Variants in CACNB2 observed in about 807,000 individuals in gnomAD.
The protein encoded by CACNB2 is calcium voltage-gated channel auxiliary subunit beta 2, also known as voltage-dependent L-type calcium channel subunit beta-2.
A neutral mutation model predicts 73.3 loss-of-function variants in CACNB2; 42 were observed. The observed-to-expected ratio is 0.57, with a 90% CI of 0.45 to 0.74. The LOEUF (loss-of-function observed/expected upper bound fraction) is 0.74, where lower values mean the gene tolerates loss of function less well. Among genes scored for constraint, CACNB2 ranks in the 30% least tolerant of loss-of-function variants. The probability of loss-of-function intolerance (pLI) is 0.00; values close to 1 mark genes in which losing one functional copy is unlikely to be tolerated. For synonymous variants in CACNB2, 348 were observed against 310.3 expected, an observed-to-expected ratio of 1.12 and a Z score of -1.28; for missense variants, 940 against 853.0, an observed-to-expected ratio of 1.10 and a Z score of -1.27.
intron 2 of CACNB2, among the ~76,000 whole-genome samples, chr10:18,290,227 G>A (rs1163956687): frequency 1.4e-5 from 2 of 142,068 alleles, no homozygotes; most frequent in African/African-American, 5.2e-5. Flanking sequence ...GGGTTTCACC[G>A]TGTTGGTCAG....
chr10:18,191,091 A>G lies in CACNB2; in HGVS notation c.213+40116A>G, dbSNP rs562539151. On this transcript the variant is annotated intron_variant, in intron 2 of 13. Coordinates refer to ENST00000324631, the MANE Select transcript of CACNB2 (RefSeq NM_201596.3). ...GACGTCAGGAACTGGGAGAGTGAAA[A>G]TGGAGGAGAAGGAAAATAAATGGAT... Among the ~76,000 whole-genome samples, 6 of 152,334 alleles carry G rather than the reference A, an allele frequency of 3.9e-5. No individual in the cohort carries two copies. In the East Asian group the frequency reaches 1.2e-3, roughly 29 times the overall value.
chr10:18,314,260 G>A (rs1308276633), intron 2 of CACNB2, among the ~76,000 whole-genome samples: 3 of 152,154 alleles, frequency 2.0e-5, no homozygotes, highest in Non-Finnish European at 4.4e-5. Context: ...AAAAGTAAGA[G>A]CTGTATAATT....
Position 18,538,227 on chromosome 10 carries a change from T to C in CACNB2, c.1350T>C (p.Cys450=), listed in dbSNP as rs1486727230. ...ATGAGAACCAGCTTGAGGATGCCTGTGAGCACCTTGCCGACTATCTGGAGG... is the reference window on the plus strand; with the variant it reads ...ATGAGAACCAGCTTGAGGATGCCTGCGAGCACCTTGCCGACTATCTGGAGG... ...ILDENQLEDA[C]EHLADYLEAY... The change falls in exon 13 of 14, where the codon TGT becomes TGC. Residue 450 remains cysteine, a synonymous_variant. Coordinates refer to ENST00000324631, the MANE Select transcript of CACNB2 (RefSeq NM_201596.3). The C allele has an allele frequency of 6.2e-7, 1 of 1,614,000 alleles. No individual in the cohort carries two copies. The highest frequency in any genetic ancestry group is 8.5e-7 in the Non-Finnish European group (1 of 1,180,024).
At chr10:18,189,833 T>C (rs1364447954) in intron 2 of CACNB2, among the ~76,000 whole-genome samples, 1 of 152,212 alleles carries the variant, frequency 6.6e-6, no homozygotes, top group East Asian at 1.9e-4. Context: ...CCATCACATC[T>C]TGATCAACAC....
At chr10:18,154,473 TG>T (rs1180631918) in intron 2 of CACNB2, among the ~76,000 whole-genome samples, 1 of 152,072 alleles carries the variant, frequency 6.6e-6, no homozygotes, top group African/African-American at 2.4e-5. Context: ...TTTTTGTTTT[TG>T]TTTTTTGTTT....
chr10:18,206,631 A>G (rs1384510002), intron 2 of CACNB2: 2 of 152,272 alleles, frequency 1.3e-5, no homozygotes, highest in Non-Finnish European at 2.9e-5. Flanking sequence ...GCGTCCATGT[A>G]CTTCCCTCAA....
At chr10:18,433,312 A>G (rs1432745898) in intron 3 of CACNB2, among the ~76,000 whole-genome samples, 2 of 152,196 alleles carry the variant, frequency 1.3e-5, no homozygotes, top group African/African-American at 4.8e-5. Context: ...TAACTGGATC[A>G]GCGACCACAA....
intron 2 of CACNB2, among the ~76,000 whole-genome samples, chr10:18,300,020 CTTT>C (rs113228742): frequency 6.8e-6 from 1 of 146,800 alleles, no homozygotes; most frequent in African/African-American, 2.5e-5. Context: ...TGTTGCATTT[CTTT>C]TTTTTTTTTT....
At chr10:18,144,117 A>T (rs528292864) in intron 1 of CACNB2, among the ~76,000 whole-genome samples, 1 of 152,186 alleles carries the variant, frequency 6.6e-6, no homozygotes, top group Non-Finnish European at 1.5e-5. Context: ...TCACCCTGTC[A>T]CCCAGGCTGG....
At chr10:18,514,620 G>T in intron 7 of CACNB2, 3 of 1,471,778 alleles carry the variant, frequency 2.0e-6, no homozygotes, top group South Asian at 2.3e-5. Context: ...AATCATTTCT[G>T]TCCCAAGCAA....
At chr10:18,471,446 T>C (rs1486345814) in intron 3 of CACNB2, among the ~76,000 whole-genome samples, 5 of 152,250 alleles carry the variant, frequency 3.3e-5, no homozygotes, top group Admixed American at 3.3e-4. Flanking sequence ...ATTAAGATAT[T>C]TATTTTTTAT....
At chr10:18,538,470 G>T in intron 13 of CACNB2, 105 bp downstream of exon 13, 2 of 953,940 alleles carry the variant, frequency 2.1e-6, no homozygotes, top group Non-Finnish European at 3.3e-6. Flanking sequence ...CTTGGGGCTT[G>T]TTCTAGTATA....
rs76540339 is a variant in CACNB2, at chr10:18,538,957, A to C, written c.1489-273A>C. ...GTATTTGAGCCACAGGAGAATAAAT[A>C]AAAGAACATTTTCCCTGCTGCTGCT... On this transcript the variant is annotated intron_variant, in intron 13 of 13. Coordinates refer to ENST00000324631, the MANE Select transcript of CACNB2 (RefSeq NM_201596.3). 0.11 allele frequency among the ~76,000 whole-genome samples: 15,764 copies of C among 149,522 alleles called. 1,017 individuals are homozygous for C. The highest frequency in any genetic ancestry group is 0.18 in the Middle Eastern group (53 of 294).
chr10:18,256,653 T>A (rs2037297916), intron 2 of CACNB2: 1 of 152,244 alleles, frequency 6.6e-6, no homozygotes, highest in African/African-American at 2.4e-5. Context: ...TTAAAATCCA[T>A]GTTTAGGCCG....
Position 18,142,193 on chromosome 10 carries a change from T to A in CACNB2, c.120+1337T>A, listed in dbSNP as rs148805932. 4.2e-4 allele frequency among the ~76,000 whole-genome samples: 64 copies of A among 152,362 alleles called. 1 individual carries two copies. The East Asian group carries it at 0.011, about 27-fold the overall frequency. ...CTTTCTTTTACCATTGGGAAATTAA[T>A]GTGCTAACTTAAAACACATAATTCA... is the stretch of plus-strand genomic sequence containing the variant. On this transcript the variant is annotated intron_variant, in intron 1 of 13. Coordinates refer to ENST00000324631, the MANE Select transcript of CACNB2 (RefSeq NM_201596.3).
At chr10:18,489,322 G>A (rs1379257274) in intron 3 of CACNB2, among the ~76,000 whole-genome samples, 3 of 149,862 alleles carry the variant, frequency 2.0e-5, no homozygotes, top group Non-Finnish European at 3.0e-5. Context: ...CCTGGGAGGC[G>A]GTGGTTGCAG....
intron 3 of CACNB2, among the ~76,000 whole-genome samples, chr10:18,404,401 C>A (rs1039748700): frequency 6.2e-4 from 95 of 152,266 alleles, no homozygotes; most frequent in African/African-American, 2.2e-3. Flanking sequence ...AAAATAACCT[C>A]ATTCTTTGCC....
chr10:18,220,206 T>TATATATATAG (rs1316637525), intron 2 of CACNB2, among the ~76,000 whole-genome samples: 1 of 24,534 alleles, frequency 4.1e-5, no homozygotes, highest in Non-Finnish European at 6.2e-5. Context: ...TGTGTGTATA[T>TATATATATAG]ATATATATAT....
intron 3 of CACNB2, among the ~76,000 whole-genome samples, chr10:18,416,553 A>T (rs924533302): frequency 6.6e-6 from 1 of 152,194 alleles, no homozygotes; most frequent in Non-Finnish European, 1.5e-5. Flanking sequence ...AGTAGCTGGG[A>T]CTACAGGTGT....
Sources: allele counts gnomAD v4.1 joint callset (sites outside exome capture counted in the v4.1 genomes callset), GRCh38; gene constraint gnomAD v4.1.1; transcripts MANE v1.5; gene names NCBI Gene and HGNC (gene_info 2026-07-23, HGNC 2026-07-21).